The following C6 variants were observed in gnomAD, a reference collection of about 807,000 sequenced individuals.
C6 encodes the protein complement component C6.
A neutral mutation model predicts 112.9 loss-of-function variants in C6; 101 were observed. The ratio of observed to expected loss-of-function variants is 0.89; its 90% CI spans 0.76 to 1.06. C6 has a LOEUF of 1.06. Among genes scored for constraint, C6 ranks in the 50% least tolerant of loss-of-function variants. C6 has a pLI of 0.00. For synonymous variants in C6, 431 were observed against 384.1 expected (o/e 1.12, Z -1.43); for missense variants, 1,202 against 1,104.6 (o/e 1.09, Z -1.25).
intron 1 of C6, among the ~76,000 whole-genome samples, chr5:41,224,931 T>G (rs1739395962): frequency 6.6e-6 from 1 of 152,192 alleles, no homozygotes; most frequent in East Asian, 1.9e-4. Flanking sequence ...TTTTTTTTCT[T>G]CACATTTCCC....
chr5:41,175,380 T>C (rs1028746238), intron 8 of C6, among the ~76,000 whole-genome samples: 1 of 152,370 alleles, frequency 6.6e-6, no homozygotes, highest in East Asian at 1.9e-4. Flanking sequence ...ACTGTGTGCA[T>C]GCATGTATAT....
rs1561142896 is a variant in C6 at position 41,186,095 on chromosome 5, G to A, written c.701C>T (p.Ala234Val). The change falls in exon 6 of 18, where the codon GCC (alanine) becomes GTC (valine). Residue 234 changes from alanine to valine, a missense_variant. Ala to Val is a moderately conservative substitution (Grantham distance 64). Transcript: ENST00000337836. Reference protein sequence around the residue: ...SRTSNPYRVPANLENVGFEVQ... With the variant: ...SRTSNPYRVPVNLENVGFEVQ... ...CTCAAAGCCGACATTTTCCAGATTG[G>A]CCGGAACACGGTATGGATTACTTGT... 6.2e-7 allele frequency: 1 copy of A among 1,613,946 alleles called. No individual in the cohort carries two copies. Among genetic ancestry groups the A allele is most frequent in the East Asian group, 2.2e-5 (1 of 44,866 alleles).
chr5:41,249,794 TC>T (rs751627336), intron 1 of C6, among the ~76,000 whole-genome samples: 53 of 152,330 alleles, frequency 3.5e-4, no homozygotes, highest in Admixed American at 9.8e-4. Context: ...CTTTGAGTTC[TC>T]AGAGCAAATA....
rs560370968 is a variant in C6, at chr5:41,190,440, C to T, written c.588-4232G>A. On this transcript the variant is annotated intron_variant, in intron 5 of 17. Coordinates refer to ENST00000337836, the MANE Select transcript of C6 (RefSeq NM_000065.5). ...ATTAAGTTCACTGGTGAACTTAATC[C>T]GTTAAATTGGATTATTTATTTATTT... Among the ~76,000 whole-genome samples, 19 of 152,078 alleles carry T rather than the reference C, an allele frequency of 1.2e-4. 1 individual carries two copies. The highest frequency in any genetic ancestry group is 3.9e-4 in the African/African-American group (16 of 41,484).
At chr5:41,229,381 A>G (rs1184792530) in intron 1 of C6, among the ~76,000 whole-genome samples, 1 of 143,364 alleles carries the variant, frequency 7.0e-6, no homozygotes, top group Non-Finnish European at 1.5e-5. Context: ...TTATGTTACC[A>G]CTCTCATTGT....
At chr5:41,258,597 A>G (rs1483118200) in intron 1 of C6, among the ~76,000 whole-genome samples, 1 of 152,180 alleles carries the variant, frequency 6.6e-6, no homozygotes, top group Non-Finnish European at 1.5e-5. Flanking sequence ...ACTTATATTG[A>G]ACAGGTCTTA....
chr5:41,158,076 A>T lies in C6; in HGVS notation c.1968+598T>A, dbSNP rs115522045. Among the ~76,000 whole-genome samples, 656 of 152,286 alleles carry T rather than the reference A, an allele frequency of 4.3e-3. 1 individual carries two copies. Among genetic ancestry groups the T allele is most frequent in the African/African-American group, 0.015 (617 of 41,552 alleles). ...AAGGTAAAATGAAATAGGAAGCATG[A>T]CTTCTGTGATCACTTTTAGATATCA... On this transcript the variant is annotated intron_variant, in intron 13 of 17. Coordinates refer to ENST00000337836, the MANE Select transcript of C6 (RefSeq NM_000065.5).
At chr5:41,156,550 G>C (rs1489140231) in intron 13 of C6, among the ~76,000 whole-genome samples, 1 of 152,156 alleles carries the variant, frequency 6.6e-6, no homozygotes, top group Non-Finnish European at 1.5e-5. Context: ...AGAGGGGCAA[G>C]AGTACCAAGA....
rs575510858 is a variant in C6 at position 41,181,561 on chromosome 5, T to C, written c.727-2A>G. The C allele has an allele frequency of 8.7e-6, 14 of 1,610,086 alleles. No individual in the cohort carries two copies. In the Admixed American group the frequency reaches 1.8e-4, roughly 21 times the overall value. On this transcript the variant is annotated splice_acceptor_variant, in intron 6 of 17. Transcript: ENST00000337836. LOFTEE classifies it high-confidence loss of function. ...CAAGTCATCTTCTGCAGTTTGTACC[T>C]GGAGAAAAATCCATGTAAAATAAAA...
chr5:41,147,261 A>T (rs1297741698), intron 17 of C6, among the ~76,000 whole-genome samples: 3 of 152,184 alleles, frequency 2.0e-5, no homozygotes, highest in Admixed American at 6.5e-5. Context: ...AAAAATGAAT[A>T]GTAGAGTTTT....
chr5:41,186,761 C>T, intron 5 of C6, among the ~76,000 whole-genome samples: 1 of 151,842 alleles, frequency 6.6e-6, no homozygotes, highest in African/African-American at 2.4e-5. Flanking sequence ...CAAATATTAA[C>T]TTGGTTAAGT....
chr5:41,234,358 T>A (rs28432985), intron 1 of C6, among the ~76,000 whole-genome samples: 1 of 138,838 alleles, frequency 7.2e-6, no homozygotes, highest in Non-Finnish European at 1.5e-5. Context: ...TTGTTTTTTG[T>A]TTTTTGTTTT....
At chr5:41,258,561 A>C (rs146406332) in intron 1 of C6, among the ~76,000 whole-genome samples, 5 of 152,240 alleles carry the variant, frequency 3.3e-5, no homozygotes, top group Non-Finnish European at 7.3e-5. Context: ...AGTCCAAAAA[A>C]TATTTTTGAA....
chr5:41,158,249 A>C (rs1348773322), intron 13 of C6, among the ~76,000 whole-genome samples: 1 of 152,198 alleles, frequency 6.6e-6, no homozygotes, highest in Non-Finnish European at 1.5e-5. Context: ...TGACTGATTA[A>C]GAGTTCTACA....
At chr5:41,233,047 T>A (rs1460631149) in intron 1 of C6, among the ~76,000 whole-genome samples, 3 of 152,112 alleles carry the variant, frequency 2.0e-5, no homozygotes, top group African/African-American at 4.8e-5. Context: ...ATTATGTATA[T>A]AATTTTCATG....
At chr5:41,169,609 G>A (rs150194644) in intron 9 of C6, among the ~76,000 whole-genome samples, 149 of 152,218 alleles carry the variant, frequency 9.8e-4, no homozygotes, top group South Asian at 8.1e-3. Context: ...AGGAAGCCTG[G>A]CAGGGGAGGC....
chr5:41,143,671 G>A (rs1437817688), intron 17 of C6, among the ~76,000 whole-genome samples: 2 of 152,148 alleles, frequency 1.3e-5, no homozygotes, highest in Non-Finnish European at 2.9e-5. Flanking sequence ...CACACAATTA[G>A]TAAATGGTAG....
At chr5:41,199,331 G>A (rs544747758) in intron 4 of C6, among the ~76,000 whole-genome samples, 10 of 152,150 alleles carry the variant, frequency 6.6e-5, no homozygotes, top group African/African-American at 2.4e-4. Flanking sequence ...ATGGCCAACT[G>A]TTTTTGTAAA....
At chr5:41,176,833 C>CTGTGG in intron 7 of C6, 118 bp from the exon 8 acceptor site, 2 of 1,015,130 alleles carry the variant, frequency 2.0e-6, no homozygotes, top group Non-Finnish European at 2.9e-6. Context: ...TACAATAATT[C>CTGTGG]TCACTCTCTA....
Sources: gnomAD v4.1 joint callset for allele counts (sites outside exome capture counted in the v4.1 genomes callset) on GRCh38, gnomAD v4.1.1 for gene constraint, MANE v1.5 for transcripts, NCBI Gene and HGNC (gene_info 2026-07-23, HGNC 2026-07-21) for gene names.